The following ACP4 variants were observed in gnomAD, a reference collection of about 807,000 sequenced individuals.
ACP4 encodes the protein acid phosphatase 4.
In ACP4, 49 loss-of-function variants were observed where a neutral mutation model predicts 47.3. That is an observed-to-expected ratio of 1.04 (90% CI 0.82 to 1.32). The LOEUF is 1.32. ACP4 is among the 40% of genes most tolerant of loss of function. The pLI is 0.00. For synonymous variants in ACP4, 299 were observed against 265.3 expected (o/e 1.13, Z -1.23); for missense variants, 594 against 579.3 (o/e 1.03, Z -0.26).
In ACP4 at chr19:50,794,829, C is replaced by T; in HGVS notation, c.1030C>T (p.Leu344=). ...CTTCTACCGCAATGACTCCGCCCACCTGCCCCTGCCTCTCAGCCTCCCCGG... is the reference window on the plus strand; with the variant it reads ...CTTCTACCGCAATGACTCCGCCCACTTGCCCCTGCCTCTCAGCCTCCCCGG... ...SLFYRNDSAH[L]PLPLSLPGCP... Residue 344 remains leucine (L), a synonymous_variant, in exon 10 of 11, where the codon CTG becomes TTG. Transcript: ENST00000270593. 6.2e-7 allele frequency: 1 copy of T among 1,612,492 alleles called. No homozygotes were observed. Among genetic ancestry groups the T allele is most frequent in the Non-Finnish European group, 8.5e-7 (1 of 1,179,226 alleles).
chr19:50,792,999 A>T (rs752680930), intron 6 of ACP4: 6 of 153,450 alleles, frequency 3.9e-5, no homozygotes, highest in Non-Finnish European at 8.7e-5. Flanking sequence ...TGCTCACTCC[A>T]GCTCACGGGA....
At chr19:50,791,231 CGCTTT>C (rs1437491106) in intron 3 of ACP4, among the ~76,000 whole-genome samples, 1 of 152,176 alleles carries the variant, frequency 6.6e-6, no homozygotes, top group African/African-American at 2.4e-5. Flanking sequence ...TTAACCTCTA[CGCTTT>C]ATCAATTCTG....
At chr19:50,795,004 C>A (rs759635744) in intron 10 of ACP4, 39 bp from the exon 11 acceptor site, 1 of 1,613,236 alleles carries the variant, frequency 6.2e-7, no homozygotes, top group Non-Finnish European at 8.5e-7. Context: ...GGAGGGTTGC[C>A]AAGTCCTGGC....
At chr19:50,792,483 G>T in intron 6 of ACP4, 146 bp downstream of exon 6, 2 of 724,308 alleles carry the variant, frequency 2.8e-6, no homozygotes, top group African/African-American at 1.8e-5. Flanking sequence ...GGCAACACCG[G>T]TATCAACACC....
intron 4 of ACP4, 118 bp downstream of exon 4, chr19:50,791,920 C>T (rs1047373271): frequency 9.5e-6 from 14 of 1,467,808 alleles, no homozygotes; most frequent in South Asian, 2.7e-5. Context: ...CTGGTCTGTC[C>T]AGACCAGGGT....
intron 4 of ACP4, 132 bp downstream of exon 4, chr19:50,791,934 C>T: frequency 6.9e-7 from 1 of 1,448,338 alleles, no homozygotes; most frequent in East Asian, 2.5e-5. Context: ...CCAGGGTGAG[C>T]CCCGGCCCAC....
rs1298794117 is a variant in ACP4, at chr19:50,795,029, T to C, written c.1166-14T>C. 3 of 1,607,202 alleles carry C rather than the reference T, an allele frequency of 1.9e-6. No homozygotes were observed. The highest frequency in any genetic ancestry group is 1.7e-6 in the Non-Finnish European group (2 of 1,179,306). ...CAAGTCCTGGCACTCACCCCCCGCG[T>C]GTTCTCCCTGCAGCTCCAGTGGTGC... is the stretch of plus-strand genomic sequence containing the variant. On this transcript the variant is annotated splice_polypyrimidine_tract_variant and intron_variant, in intron 10 of 10. Transcript: ENST00000270593.
chr19:50,793,625 G>A (rs1010471612), intron 6 of ACP4, 59 bp from the exon 7 acceptor site: 42 of 1,593,768 alleles, frequency 2.6e-5, no homozygotes, highest in Non-Finnish European at 3.6e-5. Flanking sequence ...GCACAGGCCT[G>A]CGGGGCCAGA....
Position 50,794,459 on chromosome 19 carries a change from T to A in ACP4, c.864T>A (p.His288Gln). The change falls in exon 9 of 11, where the codon CAT becomes CAA. Residue 288 changes from histidine (H) to glutamine (Q), a missense_variant and splice_region_variant. His to Gln is a conservative substitution (Grantham distance 24). Transcript: ENST00000270593. Reference sequence around the variant, plus strand: ...TCAGCCCTCGGGTCCACCTGCAGCATGACAGCACCCTGCTGGCCCTCCAGG... The same window carrying A: ...TCAGCCCTCGGGTCCACCTGCAGCAAGACAGCACCCTGCTGGCCCTCCAGG... Reference protein sequence around the residue: ...LPLKMVMYSAHDSTLLALQGA... With the variant: ...LPLKMVMYSAQDSTLLALQGA... The A allele has an allele frequency of 2.5e-6, 4 of 1,613,524 alleles. No individual in the cohort carries two copies. The highest frequency in any genetic ancestry group is 3.4e-6 in the Non-Finnish European group (4 of 1,179,940).
In ACP4 at chr19:50,792,003, T is replaced by A. The variant is rs545383789; in HGVS notation, c.451-70T>A. 38 of 1,493,366 alleles carry A rather than the reference T, an allele frequency of 2.5e-5. No individual in the cohort carries two copies. In the South Asian group the frequency reaches 4.3e-4, roughly 17 times the overall value. The allele number at this position is 1,493,366 out of a possible 1,614,324, so 92.5% of individuals were successfully genotyped here. On this transcript the variant is annotated intron_variant, in intron 4 of 10. Transcript: ENST00000270593. Reference sequence around the variant, plus strand: ...AAGACGCAGGGGCCGAGAGCCCGGGTTCCCCCGACCCGCTGTGAGACCCAA... The same window carrying A: ...AAGACGCAGGGGCCGAGAGCCCGGGATCCCCCGACCCGCTGTGAGACCCAA...
In ACP4 at chr19:50,792,189, G is replaced by T; in HGVS notation, c.549+18G>T. 3 of 1,610,526 alleles carry T rather than the reference G, an allele frequency of 1.9e-6. No homozygotes were observed. Among genetic ancestry groups the T allele is most frequent in the South Asian group, 1.1e-5 (1 of 90,970 alleles). ...GCTGGACGGTGAGCAGGGCGGCGGT[G>T]GGGGGCGGGATGCAGGGGATGGGCC... On this transcript the variant is annotated intron_variant, in intron 5 of 10. Coordinates refer to ENST00000270593, the MANE Select transcript of ACP4 (RefSeq NM_033068.3).
Position 50,791,640 on chromosome 19 carries a change from C to G in ACP4, c.304-16C>G. On this transcript the variant is annotated splice_polypyrimidine_tract_variant and intron_variant, in intron 3 of 10. Transcript: ENST00000270593. ...AACCACGACCCCCCGCGTGCCCTCT[C>G]TCCACCCCGCTCCAGGTGTACATCC... 6.2e-7 allele frequency: 1 copy of G among 1,602,864 alleles called. No individual in the cohort carries two copies. The highest frequency in any genetic ancestry group is 8.5e-7 in the Non-Finnish European group (1 of 1,172,456).
chr19:50,793,733 G>A lies in ACP4; in HGVS notation c.695G>A (p.Arg232Gln), dbSNP rs141753566. 5.8e-5 allele frequency: 93 copies of A among 1,613,740 alleles called. No homozygotes were observed. In the African/African-American group the frequency reaches 6.7e-4, roughly 12 times the overall value. Residue 232 changes from arginine to glutamine, a missense_variant, in exon 7 of 11, where the codon CGG becomes CAG. Transcript: ENST00000270593. ...GCCTGGGCCTCCCCAGATGTCCTGC[G>A]GACTCTTGCCCAGATCTCGGCTTTG... is the stretch of plus-strand genomic sequence containing the variant. ...LPAWASPDVL[R>Q]TLAQISALDI...
Position 50,791,804 on chromosome 19 carries a change from T to C in ACP4, c.450+2T>C. 1 of 1,596,782 alleles carries C rather than the reference T, an allele frequency of 6.3e-7. No individual in the cohort carries two copies. The highest frequency in any genetic ancestry group is 8.5e-7 in the Non-Finnish European group (1 of 1,171,458). The stretch of plus-strand genomic sequence containing the variant: ...ACGGTGCCCGTGGCTGAGGATAAGG[T>C]CAGGGGGCTGGACCCACGTGTGGCG... On this transcript the variant is annotated splice_donor_variant, in intron 4 of 10. Transcript: ENST00000270593. LOFTEE classifies it high-confidence loss of function.
In ACP4 at chr19:50,793,509, C is replaced by T. The variant is rs1599912097; in HGVS notation, c.646-175C>T. 1.0e-5 allele frequency: 10 copies of T among 952,606 alleles called. No homozygotes were observed. The South Asian group carries it at 1.1e-4, about 10-fold the overall frequency. The allele number at this position is 952,606 out of a possible 1,614,324, so 59.0% of individuals were successfully genotyped here. A position where few individuals can be genotyped will look rare whatever the true frequency, so the allele number is the denominator to read the frequency against. On this transcript the variant is annotated intron_variant, in intron 6 of 10. Transcript: ENST00000270593. ...CAGCCTAGGTGATGGAGCAAGGCTC[C>T]GTTTCAAAACAAAAAACAACAACAA...
Position 50,795,135 on chromosome 19 carries a change from CGGGCCTTGGG to C in ACP4, c.1264_1273del (p.Leu422ProfsTer?). The C allele has an allele frequency of 6.4e-7, 1 of 1,554,980 alleles. No homozygotes were observed. The highest frequency in any genetic ancestry group is 8.7e-7 in the Non-Finnish European group (1 of 1,152,816). ...GCTGGCCTGGAGACCAGGGTGCCTGCGGGCCTTGGGGGGCCCCGTGTGAGCCAGAAACCAG... is the reference window on the plus strand; with the variant it reads ...GCTGGCCTGGAGACCAGGGTGCCTGCGGGCCCCGTGTGAGCCAGAAACCAG... On this transcript the variant is annotated frameshift_variant, in exon 11 of 11. Coordinates refer to ENST00000270593, the MANE Select transcript of ACP4 (RefSeq NM_033068.3). LOFTEE classifies it high-confidence loss of function.
At chr19:50,792,476 A>AAC in intron 6 of ACP4, 139 bp downstream of exon 6, 2 of 802,080 alleles carry the variant, frequency 2.5e-6, no homozygotes, top group South Asian at 3.5e-5. Context: ...TGGGGATGGC[A>AAC]ACACCGGTAT....
chr19:50,794,031 T>C (rs975572448), intron 8 of ACP4, 61 bp downstream of exon 8: 4 of 1,588,172 alleles, frequency 2.5e-6, no homozygotes, highest in Admixed American at 1.7e-5. Flanking sequence ...GTGACAGCGA[T>C]TTAGGTGAGG....
intron 4 of ACP4, 88 bp downstream of exon 4, chr19:50,791,890 G>A (rs2089511842): frequency 6.7e-7 from 1 of 1,496,218 alleles, no homozygotes; most frequent in African/African-American, 1.4e-5. Context: ...CTGGCTCCGA[G>A]AAGCAAGACT....
Sources: gnomAD v4.1 joint callset for allele counts (sites outside exome capture counted in the v4.1 genomes callset) on GRCh38, gnomAD v4.1.1 for gene constraint, MANE v1.5 for transcripts, NCBI Gene and HGNC (gene_info 2026-07-23, HGNC 2026-07-21) for gene names.